Variants in SCN9A observed in about 807,000 individuals in gnomAD.
The protein encoded by SCN9A is sodium channel protein type 9 subunit alpha.
SCN9A carries 131 observed loss-of-function variants against 187.0 expected under a neutral mutation model. The ratio of observed to expected loss-of-function variants is 0.70; its 90% CI spans 0.61 to 0.81. The LOEUF is 0.81. Among genes scored for constraint, SCN9A ranks in the 30% least tolerant of loss-of-function variants. The probability of loss-of-function intolerance (pLI) is 0.00; values close to 1 mark genes in which losing one functional copy is unlikely to be tolerated. For missense variants in SCN9A, 2,252 were observed against 2,396.6 expected (o/e 0.94, Z 1.26); for synonymous variants, 809 against 808.6 (o/e 1.00, Z -0.01).
intron 17 of SCN9A, among the ~76,000 whole-genome samples, chr2:166,256,302 G>T (rs543456174): frequency 2.7e-5 from 4 of 150,452 alleles, no homozygotes; most frequent in Non-Finnish European, 5.9e-5. Flanking sequence ...TTCTTAACAT[G>T]ATTTAGATTT....
intron 24 of SCN9A, among the ~76,000 whole-genome samples, chr2:166,213,056 T>C (rs533581751): frequency 6.6e-6 from 1 of 152,050 alleles, no homozygotes; most frequent in Admixed American, 6.5e-5. Context: ...ATAAACAATA[T>C]AGATTTACAT....
chr2:166,231,228 T>G (rs1470704938), intron 21 of SCN9A, among the ~76,000 whole-genome samples: 1 of 152,182 alleles, frequency 6.6e-6, no homozygotes, highest in Non-Finnish European at 1.5e-5. Context: ...AAAATTAAGT[T>G]AATGTCAATG....
intron 4 of SCN9A, among the ~76,000 whole-genome samples, chr2:166,306,132 T>A (rs1242010699): frequency 6.6e-6 from 1 of 152,100 alleles, no homozygotes; most frequent in Non-Finnish European, 1.5e-5. Context: ...CAGAGGTACT[T>A]GAAATAACTA....
intron 1 of SCN9A, among the ~76,000 whole-genome samples, chr2:166,340,540 CCCTT>C (rs753600502): frequency 0.35 from 38,970 of 111,174 alleles, 7,112 homozygotes; most frequent in African/African-American, 0.5. Flanking sequence ...TCTTTTCTTT[CCCTT>C]TCTTTCTTTC....
rs10688081 is a variant in SCN9A, at chr2:166,311,330, C to CTATA, written c.258+165_258+168dup. On this transcript the variant is annotated intron_variant, in intron 2 of 26. Coordinates refer to ENST00000642356, the MANE Select transcript of SCN9A (RefSeq NM_001365536.1). ...TGAAAAAGTACAGATTCTGAATATC[C>CTATA]TATATATATATATATATATATATAT... 7.6e-3 allele frequency among the ~76,000 whole-genome samples: 353 copies of CTATA among 46,606 alleles called. 21 individuals are homozygous for CTATA. The highest frequency in any genetic ancestry group is 0.013 in the Admixed American group (33 of 2,534). The allele number at this position is 46,606 out of a possible 152,430, so 30.6% of individuals were successfully genotyped here.
chr2:166,283,468 T>G (rs997932376), intron 12 of SCN9A, among the ~76,000 whole-genome samples: 6 of 152,210 alleles, frequency 3.9e-5, no homozygotes, highest in Admixed American at 3.9e-4. Context: ...GTCAAAGCCC[T>G]TGCTGATATT....
At chr2:166,214,249 A>G (rs975001579) in intron 24 of SCN9A, among the ~76,000 whole-genome samples, 6 of 152,024 alleles carry the variant, frequency 3.9e-5, no homozygotes, top group African/African-American at 1.2e-4. Context: ...ACAAAAAACG[A>G]TGGGGGGTTT....
chr2:166,202,071 A>G (rs1329119780), intron 26 of SCN9A, among the ~76,000 whole-genome samples: 2 of 151,880 alleles, frequency 1.3e-5, no homozygotes, highest in Non-Finnish European at 3.0e-5. Flanking sequence ...TTCTATTTAA[A>G]GTATTGATCC....
chr2:166,368,849 A>G (rs1024108910), intron 1 of SCN9A, among the ~76,000 whole-genome samples: 1 of 149,248 alleles, frequency 6.7e-6, no homozygotes. Flanking sequence ...TAGCCAGGCG[A>G]GGTGGCTCAT....
intron 16 of SCN9A, among the ~76,000 whole-genome samples, chr2:166,274,642 T>C (rs1697148667): frequency 6.6e-6 from 1 of 152,206 alleles, no homozygotes; most frequent in South Asian, 2.1e-4. Flanking sequence ...TTATCAACTT[T>C]ATGAATTTTC....
chr2:166,288,791 C>T, intron 9 of SCN9A, 148 bp from the exon 10 acceptor site: 1 of 567,472 alleles, frequency 1.8e-6, no homozygotes, highest in Middle Eastern at 4.3e-4. Flanking sequence ...TCATGGAAAA[C>T]AAATATTAAA....
intron 9 of SCN9A, among the ~76,000 whole-genome samples, chr2:166,289,583 T>G (rs1697949112): frequency 1.3e-5 from 2 of 152,196 alleles, no homozygotes; most frequent in South Asian, 4.1e-4. Flanking sequence ...CAGTCTATCA[T>G]TGATGGGCAT....
chr2:166,307,092 A>C lies in SCN9A; in HGVS notation c.259-18T>G. The C allele has an allele frequency of 7.0e-7, 1 of 1,419,860 alleles. No homozygotes were observed. Among genetic ancestry groups the C allele is most frequent in the Non-Finnish European group, 9.9e-7 (1 of 1,008,706 alleles). 88.0% of individuals were successfully genotyped at this position (1,419,860 alleles called of 1,614,324 possible). A position where few individuals can be genotyped will look rare whatever the true frequency, so the allele number is the denominator to read the frequency against. On this transcript the variant is annotated intron_variant, in intron 2 of 26. Coordinates refer to ENST00000642356, the MANE Select transcript of SCN9A (RefSeq NM_001365536.1). The stretch of plus-strand genomic sequence containing the variant: ...ATGAAAGTCTGCAGGAGGAAAAAGA[A>C]AGGATGAAATTGAGAATCCAAAATA...
At chr2:166,342,781 A>G (rs11888456) in intron 1 of SCN9A, among the ~76,000 whole-genome samples, 7,986 of 152,260 alleles carry the variant, frequency 0.052, 266 homozygotes, top group African/African-American at 0.081. Flanking sequence ...GATCTTGAAT[A>G]AAATTGAAAC....
intron 1 of SCN9A, among the ~76,000 whole-genome samples, chr2:166,327,938 C>T (rs1257923277): frequency 1.3e-5 from 2 of 152,166 alleles, no homozygotes; most frequent in African/African-American, 4.8e-5. Flanking sequence ...GTACACTCAT[C>T]TGTGTCACAA....
intron 22 of SCN9A, 81 bp downstream of exon 22, chr2:166,228,610 A>T: frequency 8.2e-7 from 1 of 1,217,924 alleles, no homozygotes; most frequent in Non-Finnish European, 1.1e-6. Flanking sequence ...ATTTATAATT[A>T]ATATACTATT....
chr2:166,287,333 C>T (rs570085712), intron 10 of SCN9A, among the ~76,000 whole-genome samples: 8 of 151,884 alleles, frequency 5.3e-5, no homozygotes, highest in Non-Finnish European at 5.9e-5. Context: ...GAGATTGTAT[C>T]GGACTATATT....
chr2:166,204,073 C>T lies in SCN9A; in HGVS notation c.4656G>A (p.Val1552=), dbSNP rs2106346228. Reference sequence around the variant, plus strand: ...CTCCAGTGAAAAGGATTATAAAAACCACATTTATCCAATATAAAACTTCAG... The same window carrying T: ...CTCCAGTGAAAAGGATTATAAAAACTACATTTATCCAATATAAAACTTCAG... ...HMTEVLYWIN[V]VFIILFTGEC... The change falls in exon 26 of 27, where the codon GTG becomes GTA. Residue 1552 remains valine, a synonymous_variant. Transcript: ENST00000642356. 5.6e-6 allele frequency: 9 copies of T among 1,612,438 alleles called. No homozygotes were observed. Among genetic ancestry groups the T allele is most frequent in the Non-Finnish European group, 7.6e-6 (9 of 1,178,984 alleles).
intron 20 of SCN9A, among the ~76,000 whole-genome samples, chr2:166,237,467 A>G (rs1695367606): frequency 1.3e-5 from 2 of 152,126 alleles, no homozygotes; most frequent in Admixed American, 6.5e-5. Flanking sequence ...CCTCTGCCCC[A>G]CTGCCATTCT....
Sources: gnomAD v4.1 joint callset for allele counts (sites outside exome capture counted in the v4.1 genomes callset) on GRCh38, gnomAD v4.1.1 for gene constraint, MANE v1.5 for transcripts, NCBI Gene and HGNC (gene_info 2026-07-23, HGNC 2026-07-21) for gene names.